Variants in RASSF8 observed in about 807,000 individuals in gnomAD.
RASSF8 encodes the protein Ras association domain family member 8.
In RASSF8, 22 loss-of-function variants were observed where a neutral mutation model predicts 48.5. The observed-to-expected ratio is 0.45, with a 90% CI of 0.32 to 0.65. The LOEUF (loss-of-function observed/expected upper bound fraction) is 0.65, where lower values mean the gene tolerates loss of function less well. Ranked by LOEUF, RASSF8 falls within the 30% of genes least tolerant of loss-of-function variation. The pLI is 0.03. For synonymous variants in RASSF8, 127 were observed against 171.5 expected, an observed-to-expected ratio of 0.74 and a Z score of 2.03; for missense variants, 418 against 489.2, an observed-to-expected ratio of 0.85 and a Z score of 1.37.
At chr12:25,974,906 A>G (rs1031523359) in intron 1 of RASSF8, among the ~76,000 whole-genome samples, 13 of 152,268 alleles carry the variant, frequency 8.5e-5, no homozygotes, top group South Asian at 2.1e-4. Context: ...CATTCATTCA[A>G]TATCTGTGGA....
chr12:26,007,038 G>A (rs368757452), intron 2 of RASSF8, among the ~76,000 whole-genome samples: 8 of 152,288 alleles, frequency 5.3e-5, no homozygotes, highest in African/African-American at 7.2e-5. Context: ...GGGAGCCAGC[G>A]TGTGCAGAGA....
chr12:26,024,324 T>C (rs1942856209), intron 2 of RASSF8, among the ~76,000 whole-genome samples: 1 of 152,102 alleles, frequency 6.6e-6, no homozygotes, highest in African/African-American at 2.4e-5. Flanking sequence ...CTGTATCTCA[T>C]TGGAATAAAG....
intron 2 of RASSF8, among the ~76,000 whole-genome samples, chr12:26,005,211 TTTTG>T (rs1942361970): frequency 6.6e-6 from 1 of 152,176 alleles, no homozygotes; most frequent in Admixed American, 6.6e-5. Flanking sequence ...TTTTGTTTTG[TTTTG>T]TTTTACAGAT....
intron 1 of RASSF8, among the ~76,000 whole-genome samples, chr12:25,986,441 GAGA>G (rs1941877777): frequency 1.3e-5 from 2 of 152,200 alleles, no homozygotes. Flanking sequence ...ATGTACAGAG[GAGA>G]AGGGCAGTTT....
At chr12:25,998,917 C>T (rs1423467888) in intron 2 of RASSF8, among the ~76,000 whole-genome samples, 1 of 152,096 alleles carries the variant, frequency 6.6e-6, no homozygotes, top group African/African-American at 2.4e-5. Context: ...CATCACTCCT[C>T]TCAATGTTTA....
At chr12:26,019,387 C>T (rs139649001) in intron 2 of RASSF8, among the ~76,000 whole-genome samples, 16 of 152,210 alleles carry the variant, frequency 1.1e-4, no homozygotes, top group African/African-American at 3.9e-4. Context: ...TTAATAGGTA[C>T]AGCACCCATC....
chr12:25,998,873 A>T (rs1264346634), intron 2 of RASSF8, among the ~76,000 whole-genome samples: 1 of 152,144 alleles, frequency 6.6e-6, no homozygotes, highest in East Asian at 1.9e-4. Flanking sequence ...CAAAATCAGA[A>T]ATCAGTTTAC....
chr12:25,981,941 G>A (rs1380793831), intron 1 of RASSF8, among the ~76,000 whole-genome samples: 1 of 152,144 alleles, frequency 6.6e-6, no homozygotes, highest in East Asian at 1.9e-4. Flanking sequence ...CCTATTTCAA[G>A]GATATGTTTC....
chr12:26,000,593 G>C (rs1016744114), intron 2 of RASSF8, among the ~76,000 whole-genome samples: 4 of 152,060 alleles, frequency 2.6e-5, no homozygotes, highest in African/African-American at 4.8e-5. Flanking sequence ...TGTTGTTGGG[G>C]TGCGAAAATT....
At chr12:25,981,601 A>C (rs1941746146) in intron 1 of RASSF8, among the ~76,000 whole-genome samples, 1 of 152,222 alleles carries the variant, frequency 6.6e-6, no homozygotes, top group African/African-American at 2.4e-5. Context: ...ATGCACTGAT[A>C]AATTGTATGG....
At chr12:26,019,356 A>G (rs12813641) in intron 2 of RASSF8, among the ~76,000 whole-genome samples, 9,982 of 152,212 alleles carry the variant, frequency 0.066, 715 homozygotes, top group East Asian at 0.27. Context: ...AAATAAGTAT[A>G]TATTTCCCAA....
At chr12:26,023,328 CAA>C (rs1209176607) in intron 2 of RASSF8, among the ~76,000 whole-genome samples, 2 of 151,940 alleles carry the variant, frequency 1.3e-5, no homozygotes, top group African/African-American at 4.8e-5. Flanking sequence ...AAGATAAACA[CAA>C]AGAGACACAT....
rs867813731 is a variant in RASSF8 at position 26,070,340 on chromosome 12, T to G, written c.*1522T>G. On this transcript the variant is annotated 3_prime_UTR_variant, in exon 6 of 6. Coordinates refer to ENST00000689635, the MANE Select transcript of RASSF8 (RefSeq NM_001394098.1). ...CTGACAATGCTGCTCTACTTAGGTTTCCTATGAAATTTTTAAGAATGGCTA... is the reference window on the plus strand; with the variant it reads ...CTGACAATGCTGCTCTACTTAGGTTGCCTATGAAATTTTTAAGAATGGCTA... 1 of 985,206 alleles carries G rather than the reference T, an allele frequency of 1.0e-6. No homozygotes were observed. Among genetic ancestry groups the G allele is most frequent in the South Asian group, 4.7e-5 (1 of 21,284 alleles). The allele number at this position is 985,206 out of a possible 1,614,324, so 61.0% of individuals were successfully genotyped here.
intron 2 of RASSF8, among the ~76,000 whole-genome samples, chr12:26,020,870 T>G (rs1381489080): frequency 6.6e-6 from 1 of 152,226 alleles, no homozygotes; most frequent in African/African-American, 2.4e-5. Context: ...GGGGCCTATG[T>G]TCTCATCTAT....
chr12:26,064,718 C>G lies in RASSF8; in HGVS notation c.324C>G (p.Pro108=), dbSNP rs542908018. 11 of 1,614,088 alleles carry G rather than the reference C, an allele frequency of 6.8e-6. No individual in the cohort carries two copies. The highest frequency in any genetic ancestry group is 2.7e-5 in the African/African-American group (2 of 75,026). ...CTTTATACAGGCAGAGTCTGCCCCC[C>G]TTAGCTAAACTGAGGCCTCAGATTG... ...ERTLYRQSLP[P]LAKLRPQIDK... The change falls in exon 4 of 6, where the codon CCC becomes CCG. Residue 108 remains proline (P), a synonymous_variant. Transcript: ENST00000689635.
intron 2 of RASSF8, among the ~76,000 whole-genome samples, chr12:25,999,202 T>C (rs969069099): frequency 6.6e-6 from 1 of 152,204 alleles, no homozygotes; most frequent in African/African-American, 2.4e-5. Flanking sequence ...GGTTAACCTT[T>C]AGAGGGCTCA....
chr12:26,012,492 A>G (rs1423506794), intron 2 of RASSF8, among the ~76,000 whole-genome samples: 1 of 152,142 alleles, frequency 6.6e-6, no homozygotes, highest in African/African-American at 2.4e-5. Context: ...AAAAAGGAGG[A>G]ATAGACATCA....
At chr12:26,002,171 GC>G (rs1353334016) in intron 2 of RASSF8, among the ~76,000 whole-genome samples, 1 of 152,224 alleles carries the variant, frequency 6.6e-6, no homozygotes, top group Admixed American at 6.5e-5. Context: ...AGTGGCTTAT[GC>G]CTGTAATCCC....
intron 2 of RASSF8, among the ~76,000 whole-genome samples, chr12:26,026,675 A>G (rs1362197591): frequency 6.6e-6 from 1 of 152,154 alleles, no homozygotes; most frequent in Non-Finnish European, 1.5e-5. Flanking sequence ...ACCTCAAGTG[A>G]TCCGCCCACC....
Sources: gnomAD v4.1 joint callset for allele counts (sites outside exome capture counted in the v4.1 genomes callset) on GRCh38, gnomAD v4.1.1 for gene constraint, MANE v1.5 for transcripts, NCBI Gene and HGNC (gene_info 2026-07-23, HGNC 2026-07-21) for gene names.